ADGRA1: variants seen among roughly 807,000 people sequenced by gnomAD.
The protein encoded by ADGRA1 is G-protein coupled receptor 123.
ADGRA1 carries 12 observed loss-of-function variants against 21.3 expected under a neutral mutation model. The ratio of observed to expected loss-of-function variants is 0.56; its 90% CI spans 0.36 to 0.91. ADGRA1 has a LOEUF of 0.91. ADGRA1 is among the 40% of genes least tolerant of loss of function. The pLI is 0.01. For synonymous variants in ADGRA1, 385 were observed against 368.8 expected (o/e 1.04, Z -0.50); for missense variants, 790 against 805.6 (o/e 0.98, Z 0.23).
chr10:133,095,694 C>T, intron 2 of ADGRA1: 2 of 1,597,688 alleles, frequency 1.3e-6, no homozygotes, highest in Non-Finnish European at 1.7e-6. Flanking sequence ...CAGCCAGGGC[C>T]TCGTCTTGGC....
At chr10:133,102,091 C>T (rs563928645) in intron 4 of ADGRA1, among the ~76,000 whole-genome samples, 2 of 150,462 alleles carry the variant, frequency 1.3e-5, no homozygotes, top group East Asian at 1.9e-4. Context: ...GTGTGGCCCT[C>T]GTAATAAGCA....
At chr10:133,088,438 T>G in intron 1 of ADGRA1, 2 of 154,240 alleles carry the variant, frequency 1.3e-5, no homozygotes, top group Non-Finnish European at 2.9e-5. Flanking sequence ...CAGCCCGAGA[T>G]GGTTGAGTTT....
intron 5 of ADGRA1, among the ~76,000 whole-genome samples, chr10:133,112,670 T>C (rs923841251): frequency 1.2e-3 from 117 of 94,412 alleles, no homozygotes; most frequent in East Asian, 0.01. Flanking sequence ...CTGTGGGCCA[T>C]GTCGGTTATT....
In ADGRA1 at chr10:133,093,042, G is replaced by A. The variant is rs1208463217; in HGVS notation, c.4-3932G>A. The stretch of plus-strand genomic sequence containing the variant: ...CAGTCGGAGCTGCAGACCTGGCCCC[G>A]GACACCTCACTGTGTAGGAAAGAAG... On this transcript the variant is annotated intron_variant, in intron 2 of 6. Coordinates refer to ENST00000392607, the MANE Select transcript of ADGRA1 (RefSeq NM_001083909.3). 17 of 1,594,946 alleles carry A rather than the reference G, an allele frequency of 1.1e-5. No homozygotes were observed. The African/African-American group carries it at 1.1e-4, about 10-fold the overall frequency.
At chr10:133,109,393 T>A (rs983343522) in intron 5 of ADGRA1, among the ~76,000 whole-genome samples, 3 of 152,042 alleles carry the variant, frequency 2.0e-5, no homozygotes, top group Non-Finnish European at 4.4e-5. Context: ...ACCTGGATAC[T>A]TTTTCTCCCC....
intron 5 of ADGRA1, among the ~76,000 whole-genome samples, chr10:133,112,392 ACGGGCCGCGTCCGTT>A (rs1852054249): frequency 4.6e-5 from 4 of 87,848 alleles, no homozygotes; most frequent in Admixed American, 2.2e-4. Context: ...TTTGGGGTCT[ACGGGCCGCGTCCGTT>A]ATTTGGGGTC....
chr10:133,093,857 A>G (rs1851643373), intron 2 of ADGRA1, among the ~76,000 whole-genome samples: 1 of 152,248 alleles, frequency 6.6e-6, no homozygotes, highest in Non-Finnish European at 1.5e-5. Flanking sequence ...TGCATGTGCA[A>G]ACTTTAAAAG....
chr10:133,100,892 G>T (rs896501102), intron 4 of ADGRA1, among the ~76,000 whole-genome samples: 2 of 152,196 alleles, frequency 1.3e-5, no homozygotes, highest in African/African-American at 4.8e-5. Context: ...TGCCGGACGC[G>T]TGACGCCAGG....
At position 133,129,182 on chromosome 10, in the gene ADGRA1, C is replaced by T. The variant is rs538552021; in HGVS notation, c.1354C>T (p.Arg452Cys). 1.9e-5 allele frequency: 29 copies of T among 1,550,774 alleles called. No homozygotes were observed. The highest frequency in any genetic ancestry group is 2.7e-5 in the African/African-American group (2 of 73,188). Reference sequence around the variant, plus strand: ...CCTGGATGGCAGCCCCCGCAGCTCGCGCACAGACAGCCCCCCCAGCTCTCT... The same window carrying T: ...CCTGGATGGCAGCCCCCGCAGCTCGTGCACAGACAGCCCCCCCAGCTCTCT... The part of the protein sequence containing the change: ...SSLDGSPRSS[R>C]TDSPPSSLDG... The change falls in exon 7 of 7, where the codon CGC becomes TGC. Residue 452 changes from arginine to cysteine, a missense_variant. Around this residue, in one of 3 missense-constraint regions of ADGRA1, gnomAD observed 391 missense variants for 351.5 expected, o/e 1.11. Coordinates refer to ENST00000392607, the MANE Select transcript of ADGRA1 (RefSeq NM_001083909.3).
At chr10:133,102,388 G>A (rs1234311296) in intron 4 of ADGRA1, 1 of 535,946 alleles carries the variant, frequency 1.9e-6, no homozygotes, top group Non-Finnish European at 3.6e-6. Context: ...CCGTGCCTGG[G>A]CCACAGGGAC....
At chr10:133,117,392 G>A (rs1426109628) in intron 5 of ADGRA1, among the ~76,000 whole-genome samples, 5 of 152,336 alleles carry the variant, frequency 3.3e-5, no homozygotes, top group Non-Finnish European at 5.9e-5. Flanking sequence ...GCCTACTGAC[G>A]GTGCATCCAG....
At position 133,102,816 on chromosome 10, in the gene ADGRA1, A is replaced by AC; in HGVS notation, c.377dup (p.Tyr127ValfsTer185). 6.2e-7 allele frequency: 1 copy of AC among 1,611,932 alleles called. No homozygotes were observed. The highest frequency in any genetic ancestry group is 8.5e-7 in the Non-Finnish European group (1 of 1,179,122). On this transcript the variant is annotated frameshift_variant, in exon 5 of 7. Coordinates refer to ENST00000392607, the MANE Select transcript of ADGRA1 (RefSeq NM_001083909.3). LOFTEE classifies it high-confidence loss of function. Reference sequence around the variant, plus strand: ...CTCTGTGCCTGGACACAGACCAGCCACCGTACCCCAGGCAGCCCCTGCTCA... The same window carrying AC: ...CTCTGTGCCTGGACACAGACCAGCCACCCGTACCCCAGGCAGCCCCTGCTCA...
At chr10:133,123,724 C>T (rs76078599) in intron 5 of ADGRA1, among the ~76,000 whole-genome samples, 2 of 145,728 alleles carry the variant, frequency 1.4e-5, no homozygotes, top group South Asian at 2.2e-4. Flanking sequence ...TCCCCCCCCC[C>T]GGCACCTTCT....
Position 133,088,081 on chromosome 10 carries a change from C to G in ADGRA1, c.-260C>G. On this transcript the variant is annotated 5_prime_UTR_variant, in exon 1 of 7. Transcript: ENST00000392607. ...CGGGTCCCCGGCGGGGGGAGCGCAGCGCGTCTGTCTCCGGGAGCGCGGCCC... is the reference window on the plus strand; with the variant it reads ...CGGGTCCCCGGCGGGGGGAGCGCAGGGCGTCTGTCTCCGGGAGCGCGGCCC... 1 of 985,186 alleles carries G rather than the reference C, an allele frequency of 1.0e-6. No homozygotes were observed. The highest frequency in any genetic ancestry group is 1.2e-6 in the Non-Finnish European group (1 of 829,868). The allele number at this position is 985,186 out of a possible 1,614,324, so 61.0% of individuals were successfully genotyped here. A position where few individuals can be genotyped will look rare whatever the true frequency, so the allele number is the denominator to read the frequency against.
At chr10:133,089,943 A>G (rs1216400292) in intron 2 of ADGRA1, among the ~76,000 whole-genome samples, 1 of 152,096 alleles carries the variant, frequency 6.6e-6, no homozygotes, top group Admixed American at 6.5e-5. Context: ...GCCTGCCCCC[A>G]GGCTCCCACC....
At chr10:133,119,066 GCA>G (rs578078229) in intron 5 of ADGRA1, among the ~76,000 whole-genome samples, 6 of 151,716 alleles carry the variant, frequency 4.0e-5, no homozygotes, top group Non-Finnish European at 8.8e-5. Context: ...ATTGCACACT[GCA>G]CACACACACG....
In ADGRA1 at chr10:133,128,964, C is replaced by A; in HGVS notation, c.1136C>A (p.Pro379Gln). The change falls in exon 7 of 7, where the codon CCG (proline) becomes CAG (glutamine). Residue 379 changes from proline to glutamine, a missense_variant. By Grantham distance (76) the Pro-to-Gln change is moderately conservative. Transcript: ENST00000392607. ...CAGGGCCACGCCAGTTGCCTGTCAC[C>A]GGCCACCCCGTGCTGCGCCAAGATG... ...AAQGHASCLSPATPCCAKMHC... is the reference protein window; with the variant it reads ...AAQGHASCLSQATPCCAKMHC... The A allele has an allele frequency of 6.4e-7, 1 of 1,555,640 alleles. No homozygotes were observed. The highest frequency in any genetic ancestry group is 8.7e-7 in the Non-Finnish European group (1 of 1,152,132).
Position 133,088,766 on chromosome 10 carries a change from C to T in ADGRA1, c.-144C>T, listed in dbSNP as rs1851547740. ...CGCGGTCACCCTGAGGCCAGGGGCC[C>T]GGGAGCGCGACCTCCTGGCCGCCGT... On this transcript the variant is annotated 5_prime_UTR_variant, in exon 2 of 7. Transcript: ENST00000392607. 2 of 1,231,594 alleles carry T rather than the reference C, an allele frequency of 1.6e-6. No individual in the cohort carries two copies. The highest frequency in any genetic ancestry group is 2.0e-6 in the Non-Finnish European group (2 of 987,742). The allele number at this position is 1,231,594 out of a possible 1,614,324, so 76.3% of individuals were successfully genotyped here.
At chr10:133,102,307 C>T (rs780718706) in intron 4 of ADGRA1, 27 of 507,512 alleles carry the variant, frequency 5.3e-5, no homozygotes, top group South Asian at 3.9e-4. Flanking sequence ...CTGAGGACTT[C>T]ACCTCCTCTC....
Sources: gnomAD v4.1 joint callset for allele counts (sites outside exome capture counted in the v4.1 genomes callset) on GRCh38, gnomAD v4.1.1 for gene constraint, gnomAD v4.1.1 regional missense constraint, MANE v1.5 for transcripts, NCBI Gene and HGNC (gene_info 2026-07-23, HGNC 2026-07-21) for gene names.